The following NPR3 variants were observed in gnomAD, a reference collection of about 807,000 sequenced individuals.
NPR3 encodes natriuretic peptide receptor 3.
Under a neutral mutation model 54.5 loss-of-function variants are expected in NPR3, and 34 were observed. The ratio of observed to expected loss-of-function variants is 0.62; its 90% CI spans 0.47 to 0.83. The LOEUF (loss-of-function observed/expected upper bound fraction) is 0.83, where lower values mean the gene tolerates loss of function less well. Ranked by LOEUF, NPR3 falls within the 40% of genes least tolerant of loss-of-function variation. The probability of loss-of-function intolerance (pLI) is 0.00; values close to 1 mark genes in which losing one functional copy is unlikely to be tolerated. For missense variants in NPR3, 674 were observed against 720.8 expected (o/e 0.94, Z 0.74); for synonymous variants, 289 against 297.1 (o/e 0.97, Z 0.28).
chr5:32,719,964 A>G (rs763944306), intron 1 of NPR3, among the ~76,000 whole-genome samples: 4 of 152,174 alleles, frequency 2.6e-5, no homozygotes, highest in Admixed American at 6.5e-5. Context: ...TAACTGGAAG[A>G]TGGGTACAGT....
In NPR3 at chr5:32,788,199, A is replaced by C. The variant is rs1742732952; in HGVS notation, c.*1854A>C. On this transcript the variant is annotated 3_prime_UTR_variant, in exon 8 of 8. Coordinates refer to ENST00000265074, the MANE Select transcript of NPR3 (RefSeq NM_001204375.2). ...GCTGAGAGGGCGTGATAAAAGAATT[A>C]AGTGTGATCAACTGAAACAACTATG... 1 of 152,260 alleles carries C rather than the reference A, an allele frequency of 6.6e-6. No individual in the cohort carries two copies. Among genetic ancestry groups the C allele is most frequent in the South Asian group, 2.1e-4 (1 of 4,832 alleles). 9.4% of individuals were successfully genotyped at this position (152,260 alleles called of 1,614,324 possible). A position where few individuals can be genotyped will look rare whatever the true frequency, so the allele number is the denominator to read the frequency against.
chr5:32,724,595 A>G, intron 1 of NPR3, 103 bp from the exon 2 acceptor site: 1 of 1,353,922 alleles, frequency 7.4e-7, no homozygotes, highest in Non-Finnish European at 1.0e-6. Flanking sequence ...CTTCAGGACC[A>G]TATAAGTATC....
At chr5:32,716,998 C>T (rs561188083) in intron 1 of NPR3, among the ~76,000 whole-genome samples, 1 of 136,016 alleles carries the variant, frequency 7.4e-6, no homozygotes, top group African/African-American at 2.8e-5. Context: ...ATCCCCCAAC[C>T]CCCCCACCCC....
chr5:32,741,968 G>A (rs1002713267), intron 3 of NPR3, among the ~76,000 whole-genome samples: 1 of 151,704 alleles, frequency 6.6e-6, no homozygotes, highest in African/African-American at 2.4e-5. Flanking sequence ...AGTATCATGG[G>A]AAGGAACTAT....
chr5:32,746,024 G>T (rs902090386), intron 3 of NPR3, among the ~76,000 whole-genome samples: 2 of 152,116 alleles, frequency 1.3e-5, no homozygotes, highest in African/African-American at 4.8e-5. Flanking sequence ...ATGCCAGCAT[G>T]CACAAAAAAC....
chr5:32,750,495 C>A (rs1740523136), intron 3 of NPR3, among the ~76,000 whole-genome samples: 1 of 152,100 alleles, frequency 6.6e-6, no homozygotes, highest in Non-Finnish European at 1.5e-5. Context: ...AGGTTTATGT[C>A]TTAAAACATT....
chr5:32,748,032 G>A (rs971233254), intron 3 of NPR3, among the ~76,000 whole-genome samples: 3 of 152,280 alleles, frequency 2.0e-5, no homozygotes, highest in Middle Eastern at 6.8e-3. Context: ...GGGATTACAG[G>A]TATGAGCCAT....
intron 1 of NPR3, among the ~76,000 whole-genome samples, chr5:32,696,198 T>A (rs550304739): frequency 9.8e-5 from 15 of 152,314 alleles, no homozygotes; most frequent in African/African-American, 3.6e-4. Flanking sequence ...AGGGTTTTAG[T>A]TTTATTATTC....
chr5:32,758,515 A>T, intron 3 of NPR3, among the ~76,000 whole-genome samples: 1 of 152,054 alleles, frequency 6.6e-6, no homozygotes, highest in Middle Eastern at 3.2e-3. Flanking sequence ...TAGTCTTGCT[A>T]GTGGTCTATC....
At chr5:32,743,785 T>G (rs1740152037) in intron 3 of NPR3, among the ~76,000 whole-genome samples, 1 of 152,092 alleles carries the variant, frequency 6.6e-6, no homozygotes, top group African/African-American at 2.4e-5. Context: ...GTGCTACATG[T>G]GTGTGGTGTG....
At chr5:32,721,890 A>AG (rs952401966) in intron 1 of NPR3, among the ~76,000 whole-genome samples, 1 of 152,156 alleles carries the variant, frequency 6.6e-6, no homozygotes, top group Non-Finnish European at 1.5e-5. Flanking sequence ...ACACTATGAA[A>AG]GGCATCACAT....
intron 1 of NPR3, chr5:32,716,340 G>C (rs2111859594): frequency 6.8e-6 from 3 of 443,888 alleles, no homozygotes; most frequent in East Asian, 1.4e-4. Flanking sequence ...TGTAGGTATT[G>C]ACCTTCATAT....
At chr5:32,730,938 GA>G (rs1156982577) in intron 2 of NPR3, among the ~76,000 whole-genome samples, 26 of 152,216 alleles carry the variant, frequency 1.7e-4, no homozygotes, top group African/African-American at 5.1e-4. Flanking sequence ...ATTTCAACAA[GA>G]TTTTTTTTAG....
chr5:32,769,236 G>A (rs1741626681), intron 3 of NPR3, among the ~76,000 whole-genome samples: 2 of 152,158 alleles, frequency 1.3e-5, no homozygotes, highest in Non-Finnish European at 1.5e-5. Flanking sequence ...AACAAAAATC[G>A]ATATTCTATT....
chr5:32,774,396 AAGG>A (rs1741927683), intron 3 of NPR3, among the ~76,000 whole-genome samples: 1 of 152,144 alleles, frequency 6.6e-6, no homozygotes, highest in African/African-American at 2.4e-5. Context: ...AGATGTGGGG[AAGG>A]AGGAGGGGAC....
chr5:32,772,217 GAATC>G (rs1173431196), intron 3 of NPR3, among the ~76,000 whole-genome samples: 1 of 152,222 alleles, frequency 6.6e-6, no homozygotes, highest in Admixed American at 6.5e-5. Context: ...ATAAGAGCCA[GAATC>G]TATCAGTTTC....
At chr5:32,718,971 A>G (rs1738707348) in intron 1 of NPR3, among the ~76,000 whole-genome samples, 1 of 152,146 alleles carries the variant, frequency 6.6e-6, no homozygotes. Context: ...CCCATTCAGT[A>G]TGCTATTGGC....
intron 3 of NPR3, among the ~76,000 whole-genome samples, chr5:32,766,411 A>G (rs1037730693): frequency 2.6e-5 from 4 of 152,246 alleles, no homozygotes; most frequent in African/African-American, 9.6e-5. Context: ...TGGACTGCTC[A>G]TGATTGTAGC....
At chr5:32,709,410 T>TG (rs1196818875), upstream of NPR3, 4 of 106,672 alleles carry the variant, frequency 3.7e-5, no homozygotes, top group African/African-American at 1.2e-4. Context: ...GTTCTTTTTC[T>TG]TTTTTTTTTT....
Sources: gnomAD v4.1 joint callset for allele counts (sites outside exome capture counted in the v4.1 genomes callset) on GRCh38, gnomAD v4.1.1 for gene constraint, MANE v1.5 for transcripts, NCBI Gene and HGNC (gene_info 2026-07-23, HGNC 2026-07-21) for gene names.